Variants in AK2 observed in about 807,000 individuals in gnomAD.
AK2 encodes adenylate kinase 2.
AK2 carries 15 observed loss-of-function variants against 24.6 expected under a neutral mutation model. The observed-to-expected ratio is 0.61, with a 90% confidence interval of 0.41 to 0.94. The LOEUF (loss-of-function observed/expected upper bound fraction) is 0.94, where lower values mean the gene tolerates loss of function less well. AK2 is among the 40% of genes least tolerant of loss of function. The pLI is 0.00. For missense variants in AK2, 257 were observed against 304.1 expected (o/e 0.85, Z 1.15); for synonymous variants, 102 against 114.0 (o/e 0.90, Z 0.67).
rs1410853102 is a variant in AK2, at chr1:33,008,749, A to G, written c.*4432T>C. 4.4e-6 allele frequency: 2 copies of G among 453,998 alleles called. No homozygotes were observed. The highest frequency in any genetic ancestry group is 4.0e-5 in the African/African-American group (2 of 49,998). The allele number at this position is 453,998 out of a possible 1,614,324, so 28.1% of individuals were successfully genotyped here. On this transcript the variant is annotated 3_prime_UTR_variant, in exon 6 of 6. Transcript: ENST00000672715. ...GCTGTGTGAGGGTTACGTGAAGTCG[A>G]GGGTTACATGAAGCCTTTGCATAAT...
Position 33,024,581 on chromosome 1 carries a change from G to C in AK2, c.94-14C>G. 6.2e-7 allele frequency: 1 copy of C among 1,614,132 alleles called. No homozygotes were observed. The highest frequency in any genetic ancestry group is 8.5e-7 in the Non-Finnish European group (1 of 1,179,998). Reference sequence around the variant, plus strand: ...CAATCTGGGTGCCTACAGAGAGGAAGACAAAAACCAAGATTCAATTACATT... The same window carrying C: ...CAATCTGGGTGCCTACAGAGAGGAACACAAAAACCAAGATTCAATTACATT... On this transcript the variant is annotated splice_polypyrimidine_tract_variant and intron_variant, in intron 1 of 5. Coordinates refer to ENST00000672715, the MANE Select transcript of AK2 (RefSeq NM_001625.4).
intron 1 of AK2, chr1:33,031,651 A>T: frequency 2.2e-6 from 1 of 456,060 alleles, no homozygotes; most frequent in South Asian, 1.5e-5. Flanking sequence ...TTCAAACTTC[A>T]GTTTCTCCAA....
chr1:33,027,904 G>A (rs927551858), intron 1 of AK2, among the ~76,000 whole-genome samples: 5 of 152,134 alleles, frequency 3.3e-5, no homozygotes, highest in East Asian at 1.9e-4. Flanking sequence ...CTCAGTAGCC[G>A]TGTGATCTTG....
intron 1 of AK2, chr1:33,031,389 A>G (rs1384368111): frequency 3.3e-6 from 1 of 304,338 alleles, no homozygotes; most frequent in African/African-American, 2.2e-5. Flanking sequence ...TTTCTCTGTC[A>G]GTAAAAAGGA....
At chr1:33,026,802 A>G (rs1314097000) in intron 1 of AK2, among the ~76,000 whole-genome samples, 1 of 151,022 alleles carries the variant, frequency 6.6e-6, no homozygotes, top group African/African-American at 2.4e-5. Context: ...GCAAGACTCC[A>G]TCTCACAAAA....
At chr1:33,030,696 C>T (rs10914648) in intron 1 of AK2, among the ~76,000 whole-genome samples, 2,170 of 152,254 alleles carry the variant, frequency 0.014, 49 homozygotes, top group African/African-American at 0.05. Context: ...ACATAATAAA[C>T]CCATGAGGTA....
At chr1:33,013,786 T>C (rs1486405657) in intron 5 of AK2, among the ~76,000 whole-genome samples, 2 of 152,212 alleles carry the variant, frequency 1.3e-5, no homozygotes, top group Non-Finnish European at 2.9e-5. Flanking sequence ...CAAAGATACA[T>C]TAGCAATTGT....
At chr1:33,031,550 C>T in intron 1 of AK2, 1 of 455,726 alleles carries the variant, frequency 2.2e-6, no homozygotes, top group Non-Finnish European at 4.4e-6. Context: ...TAACCTGGGG[C>T]AGTAGATAGC....
intron 4 of AK2, chr1:33,020,283 T>C (rs1010505821): frequency 1.3e-6 from 1 of 768,194 alleles, no homozygotes; most frequent in African/African-American, 1.8e-5. Context: ...TTTGTACAGA[T>C]GGTTATATTA....
rs1441884000 is a variant in AK2, at chr1:33,009,589, C to T, written c.*3592G>A. 2.2e-6 allele frequency: 1 copy of T among 453,964 alleles called. No homozygotes were observed. The highest frequency in any genetic ancestry group is 6.9e-5 in the East Asian group (1 of 14,412). The allele number at this position is 453,964 out of a possible 1,614,324, so 28.1% of individuals were successfully genotyped here. ...AAATTTCATTTAATGCCATTAAGGC[C>T]AAGAAGGTGGCATAACCAACTTCCT... On this transcript the variant is annotated 3_prime_UTR_variant, in exon 6 of 6. Transcript: ENST00000672715.
intron 4 of AK2, among the ~76,000 whole-genome samples, chr1:33,016,913 G>T (rs965952112): frequency 1.3e-5 from 2 of 151,558 alleles, no homozygotes; most frequent in Non-Finnish European, 2.9e-5. Flanking sequence ...CACCATGTTG[G>T]CCAGGCTGGT....
At position 33,008,671 on chromosome 1, in the gene AK2, G is replaced by A. The variant is rs1193367112; in HGVS notation, c.*4510C>T. On this transcript the variant is annotated 3_prime_UTR_variant, in exon 6 of 6. Coordinates refer to ENST00000672715, the MANE Select transcript of AK2 (RefSeq NM_001625.4). ...CTCAGGAATGCCACTTCACCTCTCT[G>A]AGTCTGGTTTCCTCACCTATAAAAG... The A allele has an allele frequency of 2.2e-6, 1 of 454,020 alleles. No homozygotes were observed. The highest frequency in any genetic ancestry group is 2.0e-5 in the African/African-American group (1 of 50,018). 28.1% of individuals were successfully genotyped at this position (454,020 alleles called of 1,614,324 possible). A position where few individuals can be genotyped will look rare whatever the true frequency, so the allele number is the denominator to read the frequency against.
At chr1:33,023,558 G>A (rs528650010) in intron 2 of AK2, among the ~76,000 whole-genome samples, 44 of 152,200 alleles carry the variant, frequency 2.9e-4, no homozygotes, top group Non-Finnish European at 5.0e-4. Context: ...CTGCACACCA[G>A]CCTGGGTCTC....
chr1:33,019,727 T>C (rs1361782263), intron 4 of AK2: 2 of 1,038,574 alleles, frequency 1.9e-6, no homozygotes, highest in African/African-American at 1.7e-5. Flanking sequence ...AGTAATAATG[T>C]CTGAAATAAG....
chr1:33,026,419 G>A (rs1470022531), intron 1 of AK2, among the ~76,000 whole-genome samples: 4 of 152,194 alleles, frequency 2.6e-5, no homozygotes, highest in African/African-American at 9.7e-5. Flanking sequence ...CACAATAAAA[G>A]GTACATAGAT....
chr1:33,026,024 C>T (rs112345739), intron 1 of AK2, among the ~76,000 whole-genome samples: 4,193 of 152,226 alleles, frequency 0.028, 80 homozygotes, highest in Non-Finnish European at 0.043. Context: ...CAGGAAGAGA[C>T]CCTAGACAGC....
Position 33,011,587 on chromosome 1 carries a change from ATCGAG to A in AK2, c.*1589_*1593del, listed in dbSNP as rs754212450. The A allele has an allele frequency of 3.8e-4, 493 of 1,287,920 alleles. 1 individual carries two copies. Among genetic ancestry groups the A allele is most frequent in the Non-Finnish European group, 4.7e-4 (464 of 989,224 alleles). The allele number at this position is 1,287,920 out of a possible 1,614,324, so 79.8% of individuals were successfully genotyped here. Reference sequence around the variant, plus strand: ...GGCTGGGCACTTTAGAGTCCACTGAATCGAGTCAGCAGCAGATTATGCTGAGGCTG... The same window carrying A: ...GGCTGGGCACTTTAGAGTCCACTGAATCAGCAGCAGATTATGCTGAGGCTG... On this transcript the variant is annotated 3_prime_UTR_variant, in exon 6 of 6. Coordinates refer to ENST00000672715, the MANE Select transcript of AK2 (RefSeq NM_001625.4).
intron 1 of AK2, among the ~76,000 whole-genome samples, chr1:33,033,708 C>T (rs1640392005): frequency 6.6e-6 from 1 of 152,036 alleles, no homozygotes; most frequent in South Asian, 2.1e-4. Context: ...GGGAGAATGG[C>T]TAGAGGAGCG....
Position 33,013,121 on chromosome 1 carries a change from C to T in AK2, c.*60G>A, listed in dbSNP as rs1324211589. On this transcript the variant is annotated 3_prime_UTR_variant, in exon 6 of 6. Transcript: ENST00000672715. ...CCTGAGGAAGCTTCTCTTTGCCTGT[C>T]CTATCATTCCCACCCATTGCCTCAC... The T allele has an allele frequency of 1.9e-6, 3 of 1,613,482 alleles. No individual in the cohort carries two copies. The highest frequency in any genetic ancestry group is 1.7e-5 in the Admixed American group (1 of 60,010).
Sources: gnomAD v4.1 joint callset for allele counts (sites outside exome capture counted in the v4.1 genomes callset) on GRCh38, gnomAD v4.1.1 for gene constraint, MANE v1.5 for transcripts, NCBI Gene and HGNC (gene_info 2026-07-23, HGNC 2026-07-21) for gene names.